Variants in WDR81 observed in about 807,000 individuals in gnomAD.
WDR81 encodes WD repeat domain 81.
In WDR81, 92 loss-of-function variants were observed where a neutral mutation model predicts 140.8. The observed-to-expected ratio is 0.65, with a 90% confidence interval of 0.55 to 0.78. WDR81 has a LOEUF of 0.78. Among genes scored for constraint, WDR81 ranks in the 30% least tolerant of loss-of-function variants. The pLI is 0.00. For synonymous variants in WDR81, 1,183 were observed against 1,156.4 expected, an observed-to-expected ratio of 1.02 and a Z score of -0.47; for missense variants, 2,502 against 2,636.4, an observed-to-expected ratio of 0.95 and a Z score of 1.12.
At chr17:1,723,877 C>T (rs1308783390), upstream of WDR81, among the ~76,000 whole-genome samples, 5 of 152,166 alleles carry the variant, frequency 3.3e-5, no homozygotes, top group Non-Finnish European at 5.9e-5. Context: ...GTCTCCATTC[C>T]GCCAGGCGGA....
intron 6 of WDR81, chr17:1,733,116 A>C: frequency 2.1e-6 from 1 of 475,706 alleles, no homozygotes; most frequent in Non-Finnish European, 3.7e-6. Flanking sequence ...GCGAGAGGGA[A>C]GGAGTGGCCT....
Position 1,735,668 on chromosome 17 carries a change from G to T in WDR81, c.5276G>T (p.Ser1759Ile). ...PAPHTSITMASSDSTLRFVDC... is the reference protein window; with the variant it reads ...PAPHTSITMAISDSTLRFVDC... ...CCCCACACCAGCATCACCATGGCCAGCTCTGACTCTACCCTGCGCTTTGTG... is the reference window on the plus strand; with the variant it reads ...CCCCACACCAGCATCACCATGGCCATCTCTGACTCTACCCTGCGCTTTGTG... Residue 1759 changes from serine to isoleucine, a missense_variant, in exon 8 of 10, where the codon AGC becomes ATC. Ser to Ile is a moderately radical substitution (Grantham distance 142, BLOSUM62 -2). Around this residue, in one of 3 missense-constraint regions of WDR81, gnomAD observed 1,737 missense variants for 1,843.0 expected, o/e 0.94. Transcript: ENST00000409644. This position sits in a 1 kb window ranked among gnomAD's most constrained non-coding sequence, Gnocchi z 4.2. 1 of 1,613,052 alleles carries T rather than the reference G, an allele frequency of 6.2e-7. No individual in the cohort carries two copies. The highest frequency in any genetic ancestry group is 8.5e-7 in the Non-Finnish European group (1 of 1,179,942).
In WDR81 at chr17:1,735,683, T is replaced by C. The variant is rs1409374074; in HGVS notation, c.5291T>C (p.Leu1764Pro). The part of the protein sequence containing the change: ...SITMASSDST[L>P]RFVDCRKPGL... ...ACCATGGCCAGCTCTGACTCTACCC[T>C]GCGCTTTGTGGACTGCAGGAAGCCT... The change falls in exon 8 of 10, where the codon CTG becomes CCG. Residue 1764 changes from leucine to proline, a missense_variant. Coordinates refer to ENST00000409644, the MANE Select transcript of WDR81 (RefSeq NM_001163809.2). The surrounding 1 kb of genome is among the most constrained non-coding windows in gnomAD (Gnocchi z 4.2). 6.2e-7 allele frequency: 1 copy of C among 1,612,732 alleles called. No homozygotes were observed. The highest frequency in any genetic ancestry group is 1.3e-5 in the African/African-American group (1 of 74,900).
Position 1,728,088 on chromosome 17 carries a change from C to T in WDR81, c.3129C>T (p.Ser1043=), listed in dbSNP as rs373519234. 2.8e-5 allele frequency: 44 copies of T among 1,598,496 alleles called. No individual in the cohort carries two copies. The African/African-American group carries it at 5.0e-4, about 18-fold the overall frequency. Reference sequence around the variant, plus strand: ...GGCTGCCCGGGGCCGGGCCTGGCTCCTGTGCTTTTGGGGAGGAGATTCCCA... The same window carrying T: ...GGCTGCCCGGGGCCGGGCCTGGCTCTTGTGCTTTTGGGGAGGAGATTCCCA... ...ESGLPGAGPG[S]CAFGEEIPMD... is the part of the protein sequence containing the mutation. Residue 1043 remains serine (S), a synonymous_variant, in exon 1 of 10, where the codon TCC becomes TCT. Coordinates refer to ENST00000409644, the MANE Select transcript of WDR81 (RefSeq NM_001163809.2).
intron 1 of WDR81, 68 bp downstream of exon 1, chr17:1,728,694 C>T (rs930102574): frequency 1.3e-5 from 18 of 1,417,712 alleles, no homozygotes; most frequent in Non-Finnish European, 1.6e-5. Flanking sequence ...GTGGTTCACG[C>T]CTGTATTCCC....
chr17:1,725,660 T>C lies in WDR81; in HGVS notation c.701T>C (p.Val234Ala). 6.5e-7 allele frequency: 1 copy of C among 1,547,190 alleles called. No homozygotes were observed. Among genetic ancestry groups the C allele is most frequent in the Non-Finnish European group, 8.7e-7 (1 of 1,146,974 alleles). Residue 234 changes from valine (V) to alanine (A), a missense_variant, in exon 1 of 10, where the codon GTA becomes GCA. Val to Ala is a moderately conservative substitution (Grantham distance 64). This residue lies in a region of WDR81 where 547 missense variants were observed against 513.8 expected (regional missense o/e 1.06). Transcript: ENST00000409644. ...GAGTCGCCGGAGATGCTGTATGTGGTACACCCTTACGTACAGTTCTCCCTA... is the reference window on the plus strand; with the variant it reads ...GAGTCGCCGGAGATGCTGTATGTGGCACACCCTTACGTACAGTTCTCCCTA... ...LLESPEMLYVVHPYVQFSLHD... is the reference protein window; with the variant it reads ...LLESPEMLYVAHPYVQFSLHD...
chr17:1,726,999 C>T lies in WDR81; in HGVS notation c.2040C>T (p.Gly680=). ...SLAGKAGDQL[G]SSSQASPGLL... is the part of the protein sequence containing the mutation. Reference sequence around the variant, plus strand: ...CTGGGAAAGCAGGTGACCAGCTGGGCTCCTCCAGTCAAGCGTCCCCTGGAC... The same window carrying T: ...CTGGGAAAGCAGGTGACCAGCTGGGTTCCTCCAGTCAAGCGTCCCCTGGAC... Residue 680 remains glycine, a synonymous_variant, in exon 1 of 10, where the codon GGC becomes GGT. Transcript: ENST00000409644. 1 of 1,550,432 alleles carries T rather than the reference C, an allele frequency of 6.4e-7. No individual in the cohort carries two copies. The highest frequency in any genetic ancestry group is 8.7e-7 in the Non-Finnish European group (1 of 1,146,986).
chr17:1,734,020 C>A lies in WDR81; in HGVS notation c.4983C>A (p.Asp1661Glu). Residue 1661 changes from aspartate (D) to glutamate (E), a missense_variant, in exon 7 of 10, where the codon GAC (aspartate) becomes GAA (glutamate). This residue lies in a region of WDR81 where 1,737 missense variants were observed against 1,843.0 expected (regional missense o/e 0.94). Transcript: ENST00000409644. The part of the protein sequence containing the change: ...VKCVAPLSSE[D>E]FFLSGSKDRT... ...GCGTGGCACCCCTAAGCAGCGAGGA[C>A]TTCTTCCTGAGCGGCAGCAAGGATC... 6.2e-7 allele frequency: 1 copy of A among 1,612,170 alleles called. No homozygotes were observed. The highest frequency in any genetic ancestry group is 8.5e-7 in the Non-Finnish European group (1 of 1,179,930).
chr17:1,716,820 A>G (rs1310870750), intron 1 of WDR81: 5 of 679,162 alleles, frequency 7.4e-6, no homozygotes, highest in Non-Finnish European at 1.2e-5. Flanking sequence ...GAGTGGGCAG[A>G]GCGTCAGCCC....
Position 1,726,086 on chromosome 17 carries a change from A to G in WDR81, c.1127A>G (p.Asp376Gly). Residue 376 changes from aspartate (D) to glycine (G), a missense_variant, in exon 1 of 10, where the codon GAC (aspartate) becomes GGC (glycine). Coordinates refer to ENST00000409644, the MANE Select transcript of WDR81 (RefSeq NM_001163809.2). ...LNRLAGRRQG[D>G]PNYHPVLPWV... ...CGGTTGGCAGGTCGGCGGCAGGGGG[A>G]CCCCAACTACCACCCCGTGCTGCCC... The G allele has an allele frequency of 6.5e-7, 1 of 1,547,246 alleles. No individual in the cohort carries two copies. The highest frequency in any genetic ancestry group is 8.7e-7 in the Non-Finnish European group (1 of 1,144,910).
upstream of WDR81, among the ~76,000 whole-genome samples, chr17:1,722,138 T>A (rs1027367721): frequency 3.6e-4 from 54 of 151,776 alleles, no homozygotes; most frequent in Admixed American, 2.6e-3. Flanking sequence ...AAAAAAATCT[T>A]CTTAAAAGGG....
At position 1,727,427 on chromosome 17, in the gene WDR81, A is replaced by T; in HGVS notation, c.2468A>T (p.Asp823Val). 2 of 1,550,356 alleles carry T rather than the reference A, an allele frequency of 1.3e-6. No homozygotes were observed. Among genetic ancestry groups the T allele is most frequent in the Non-Finnish European group, 1.7e-6 (2 of 1,146,984 alleles). Residue 823 changes from aspartate to valine, a missense_variant, in exon 1 of 10, where the codon GAC becomes GTC. Asp to Val is a radical substitution (Grantham distance 152). Around this residue, in one of 3 missense-constraint regions of WDR81, gnomAD observed 1,737 missense variants for 1,843.0 expected, o/e 0.94. Transcript: ENST00000409644. ...CCTGTGTCTTTGCAGCCCGTGCTGG[A>T]CACACTCCTGCAGATGAGTGGCCCC... is the stretch of plus-strand genomic sequence containing the variant. ...EVPVSLQPVL[D>V]TLLQMSGPEV...
Position 1,735,612 on chromosome 17 carries a change from G to C in WDR81, c.5220G>C (p.Val1740=). The change falls in exon 8 of 10, where the codon GTG becomes GTC. Residue 1740 remains valine (V), a synonymous_variant. Transcript: ENST00000409644. This position sits in a 1 kb window ranked among gnomAD's most constrained non-coding sequence, Gnocchi z 4.2. ...CAGTGGAGCCGCTGGACAGCCGGGTGCCCCTGACTGCGGTGGCTGTCATGC... is the reference window on the plus strand; with the variant it reads ...CAGTGGAGCCGCTGGACAGCCGGGTCCCCCTGACTGCGGTGGCTGTCATGC... ...LRTVEPLDSR[V]PLTAVAVMPA... 1 of 1,612,710 alleles carries C rather than the reference G, an allele frequency of 6.2e-7. No homozygotes were observed. The highest frequency in any genetic ancestry group is 8.5e-7 in the Non-Finnish European group (1 of 1,179,922).
At position 1,737,570 on chromosome 17, in the gene WDR81, C is replaced by T; in HGVS notation, c.5711C>T (p.Thr1904Ile). ...CSLLEPPSQATTKLSSENFRG... is the reference protein window; with the variant it reads ...CSLLEPPSQAITKLSSENFRG... ...CTGCTTGAGCCACCCTCGCAGGCCACCACGAAGCTCAGCTCTGAGAACTTC... is the reference window on the plus strand; with the variant it reads ...CTGCTTGAGCCACCCTCGCAGGCCATCACGAAGCTCAGCTCTGAGAACTTC... The change falls in exon 10 of 10, where the codon ACC becomes ATC. Residue 1904 changes from threonine to isoleucine, a missense_variant. Transcript: ENST00000409644. 2 of 1,612,902 alleles carry T rather than the reference C, an allele frequency of 1.2e-6. No homozygotes were observed. Among genetic ancestry groups the T allele is most frequent in the Non-Finnish European group, 1.7e-6 (2 of 1,180,008 alleles).
At chr17:1,734,582 C>A (rs192465700) in intron 7 of WDR81, among the ~76,000 whole-genome samples, 169 of 152,048 alleles carry the variant, frequency 1.1e-3, no homozygotes, top group Non-Finnish European at 2.1e-3. Context: ...AGATCGAGAT[C>A]ATCCTGGCTA....
chr17:1,716,598 G>T, exon 1 of WDR81: 1 of 1,551,682 alleles, frequency 6.4e-7, no homozygotes. Context: ...GTAGTTCTCA[G>T]CCTGACACCG....
chr17:1,720,548 G>A (rs1426382219), upstream of WDR81, among the ~76,000 whole-genome samples: 2 of 152,046 alleles, frequency 1.3e-5, no homozygotes, highest in Non-Finnish European at 2.9e-5. Context: ...AGGCGGAGGC[G>A]GGCGGATCAT....
At chr17:1,724,152 C>T (rs1915047467), upstream of WDR81, among the ~76,000 whole-genome samples, 1 of 151,996 alleles carries the variant, frequency 6.6e-6, no homozygotes, top group Non-Finnish European at 1.5e-5. Flanking sequence ...ATCACGAGGC[C>T]AGGAGTTCGA....
In WDR81 at chr17:1,731,335, G is replaced by A. The variant is rs890663520; in HGVS notation, c.4157+77G>A. 1.2e-5 allele frequency: 18 copies of A among 1,501,994 alleles called. No homozygotes were observed. In the Admixed American group the frequency reaches 2.1e-4, roughly 17 times the overall value. The allele number at this position is 1,501,994 out of a possible 1,614,324, so 93.0% of individuals were successfully genotyped here. On this transcript the variant is annotated intron_variant, in intron 4 of 9. Transcript: ENST00000409644. The stretch of plus-strand genomic sequence containing the variant: ...CCCAGGAGGGGGTGGGAAGCTCAGG[G>A]GAGAGGACGTAACACTGGACTGGGT...
Sources: gnomAD v4.1 joint callset for allele counts (sites outside exome capture counted in the v4.1 genomes callset) on GRCh38, gnomAD v4.1.1 for gene constraint, gnomAD v4.1.1 regional missense constraint, Gnocchi (gnomAD v3.1) non-coding constraint, MANE v1.5 for transcripts, NCBI Gene and HGNC (gene_info 2026-07-23, HGNC 2026-07-21) for gene names.